SYNDIG1: variants seen among roughly 807,000 people sequenced by gnomAD.
SYNDIG1 encodes the protein synapse differentiation-inducing gene protein 1.
A neutral mutation model predicts 19.4 loss-of-function variants in SYNDIG1; 9 were observed. That is an observed-to-expected ratio of 0.46 (90% CI 0.28 to 0.81). The LOEUF is 0.81. Among genes scored for constraint, SYNDIG1 ranks in the 30% least tolerant of loss-of-function variants. The pLI is 0.12. For missense variants in SYNDIG1, 311 were observed against 343.3 expected, an observed-to-expected ratio of 0.91 and a Z score of 0.74; for synonymous variants, 141 against 145.9, an observed-to-expected ratio of 0.97 and a Z score of 0.24.
chr20:24,625,300 A>T (rs1346099681), intron 3 of SYNDIG1, among the ~76,000 whole-genome samples: 2 of 152,026 alleles, frequency 1.3e-5, no homozygotes, highest in African/African-American at 4.8e-5. Flanking sequence ...ATAAACCTCT[A>T]GCCAGGCTAA....
At chr20:24,581,033 G>T (rs1464860673) in intron 2 of SYNDIG1, among the ~76,000 whole-genome samples, 1 of 152,192 alleles carries the variant, frequency 6.6e-6, no homozygotes, top group East Asian at 1.9e-4. Flanking sequence ...AAGAAGCAGA[G>T]TCATCAGAGT....
At chr20:24,651,231 T>G (rs2059470919) in intron 3 of SYNDIG1, among the ~76,000 whole-genome samples, 1 of 152,260 alleles carries the variant, frequency 6.6e-6, no homozygotes, top group Non-Finnish European at 1.5e-5. Flanking sequence ...AGAGGCTGAC[T>G]GTAAGCATAG....
rs1390418312 is a variant in SYNDIG1, at chr20:24,543,358, C to T, written c.261C>T (p.Tyr87=). 6.2e-7 allele frequency: 1 copy of T among 1,613,642 alleles called. No homozygotes were observed. The change falls in exon 2 of 4, where the codon TAC becomes TAT. Residue 87 remains tyrosine, a synonymous_variant. Coordinates refer to ENST00000376862, the MANE Select transcript of SYNDIG1 (RefSeq NM_024893.3). ...TGCAGCAGTCAGTGGAGTCCCGCTA[C>T]CGGCCCAACATCATCCTCTATTCAG... The part of the protein sequence containing the change: ...NTLQQSVESR[Y]RPNIILYSEG...
rs140813748 is a variant in SYNDIG1 at position 24,615,419 on chromosome 20, C to A, written c.618+30426C>A. ...CTACGCTCTTACAGCTCCTCTAGCACCCATCCAGAACCAAGCTCCTGACCC... is the reference window on the plus strand; with the variant it reads ...CTACGCTCTTACAGCTCCTCTAGCAACCATCCAGAACCAAGCTCCTGACCC... On this transcript the variant is annotated intron_variant, in intron 3 of 3. Transcript: ENST00000376862. Among the ~76,000 whole-genome samples the A allele has an allele frequency of 5.5e-3, 836 of 152,292 alleles. 12 individuals are homozygous for A. The highest frequency in any genetic ancestry group is 0.019 in the African/African-American group (794 of 41,560).
intron 1 of SYNDIG1, among the ~76,000 whole-genome samples, chr20:24,482,410 A>G (rs1391105548): frequency 6.6e-6 from 1 of 152,194 alleles, no homozygotes; most frequent in African/African-American, 2.4e-5. Flanking sequence ...CATGAAAGTT[A>G]GGGAAGACAC....
intron 2 of SYNDIG1, among the ~76,000 whole-genome samples, chr20:24,551,393 A>C (rs80150887): frequency 0.015 from 2,338 of 152,268 alleles, 63 homozygotes; most frequent in African/African-American, 0.053. Flanking sequence ...TGGTCAGTCT[A>C]GATAGAAATT....
intron 1 of SYNDIG1, among the ~76,000 whole-genome samples, chr20:24,511,143 C>T (rs1179271524): frequency 1.3e-5 from 2 of 152,158 alleles, no homozygotes; most frequent in East Asian, 1.9e-4. Flanking sequence ...AAGATGCTTT[C>T]CCTGCTGACT....
intron 3 of SYNDIG1, among the ~76,000 whole-genome samples, chr20:24,611,727 T>C (rs2058851504): frequency 6.6e-6 from 1 of 152,166 alleles, no homozygotes; most frequent in Non-Finnish European, 1.5e-5. Context: ...CAGGAGCCTC[T>C]CCCAGGCCCT....
chr20:24,624,703 A>G (rs943020984), intron 3 of SYNDIG1, among the ~76,000 whole-genome samples: 1 of 152,258 alleles, frequency 6.6e-6, no homozygotes, highest in African/African-American at 2.4e-5. Flanking sequence ...ACTTGACCTT[A>G]TTAACATTAA....
At chr20:24,549,985 GGTCTTCTGGCTTGCTA>G (rs2057673633) in intron 2 of SYNDIG1, among the ~76,000 whole-genome samples, 1 of 152,140 alleles carries the variant, frequency 6.6e-6, no homozygotes, top group South Asian at 2.1e-4. Flanking sequence ...TCTATTTGCT[GGTCTTCTGGCTTGCTA>G]GTCTGCTTCT....
chr20:24,592,270 T>G (rs1475848118), intron 3 of SYNDIG1, among the ~76,000 whole-genome samples: 1 of 152,162 alleles, frequency 6.6e-6, no homozygotes, highest in Non-Finnish European at 1.5e-5. Flanking sequence ...GTAAGCCTTG[T>G]AGGACATTAA....
At chr20:24,536,965 A>C (rs2146675125) in intron 1 of SYNDIG1, among the ~76,000 whole-genome samples, 1 of 152,236 alleles carries the variant, frequency 6.6e-6, no homozygotes, top group East Asian at 1.9e-4. Context: ...CGCATCTGTC[A>C]GTTGTCCACA....
intron 3 of SYNDIG1, among the ~76,000 whole-genome samples, chr20:24,620,159 T>G (rs942192889): frequency 6.6e-6 from 1 of 152,242 alleles, no homozygotes; most frequent in East Asian, 1.9e-4. Context: ...GATCCCTGTT[T>G]TCTGATAAAC....
intron 3 of SYNDIG1, among the ~76,000 whole-genome samples, chr20:24,593,257 T>C (rs2147083770): frequency 6.6e-6 from 1 of 152,336 alleles, no homozygotes; most frequent in African/African-American, 2.4e-5. Flanking sequence ...TCATGTGTTT[T>C]CAATGTTTAG....
chr20:24,598,284 G>A (rs886532320), intron 3 of SYNDIG1, among the ~76,000 whole-genome samples: 10 of 152,200 alleles, frequency 6.6e-5, no homozygotes, highest in African/African-American at 2.4e-4. Flanking sequence ...TCCCACAGCA[G>A]CTCCATGAAA....
At chr20:24,579,769 C>T (rs1467359145) in intron 2 of SYNDIG1, among the ~76,000 whole-genome samples, 3 of 152,190 alleles carry the variant, frequency 2.0e-5, no homozygotes, top group Non-Finnish European at 4.4e-5. Context: ...GTGAGATGCT[C>T]ACCAGAGTCG....
At chr20:24,606,821 C>A (rs1174615010) in intron 3 of SYNDIG1, among the ~76,000 whole-genome samples, 1 of 152,138 alleles carries the variant, frequency 6.6e-6, no homozygotes, top group Non-Finnish European at 1.5e-5. Flanking sequence ...CTCCTGTATT[C>A]GTCAGAATGA....
intron 1 of SYNDIG1, among the ~76,000 whole-genome samples, chr20:24,540,022 T>C (rs866409718): frequency 2.0e-5 from 3 of 152,302 alleles, no homozygotes; most frequent in Non-Finnish European, 4.4e-5. Context: ...CCTCAAGTCA[T>C]CCACCCACTT....
intron 2 of SYNDIG1, among the ~76,000 whole-genome samples, chr20:24,549,397 TA>T (rs1326000141): frequency 3.9e-5 from 6 of 152,228 alleles, no homozygotes; most frequent in African/African-American, 1.4e-4. Flanking sequence ...ATAATTTCAT[TA>T]TTTTTTTATG....
Sources: allele counts gnomAD v4.1 joint callset (sites outside exome capture counted in the v4.1 genomes callset), GRCh38; gene constraint gnomAD v4.1.1; transcripts MANE v1.5; gene names NCBI Gene and HGNC (gene_info 2026-07-23, HGNC 2026-07-21).